The following ITGAM variants were observed in gnomAD, a reference collection of about 807,000 sequenced individuals.
ITGAM encodes integrin alpha-M.
ITGAM carries 79 observed loss-of-function variants against 137.5 expected under a neutral mutation model. The ratio of observed to expected loss-of-function variants is 0.57; its 90% CI spans 0.48 to 0.69. The LOEUF (loss-of-function observed/expected upper bound fraction) is 0.69, where lower values mean the gene tolerates loss of function less well. Among genes scored for constraint, ITGAM ranks in the 30% least tolerant of loss-of-function variants. ITGAM has a pLI of 0.00. For synonymous variants in ITGAM, 583 were observed against 592.3 expected, an observed-to-expected ratio of 0.98 and a Z score of 0.23; for missense variants, 1,343 against 1,483.5, an observed-to-expected ratio of 0.91 and a Z score of 1.56.
intron 1 of ITGAM, among the ~76,000 whole-genome samples, chr16:31,261,026 C>A (rs1596962023): frequency 2.0e-5 from 3 of 152,200 alleles, no homozygotes; most frequent in Admixed American, 2.0e-4. Context: ...TTCTATCAGC[C>A]TCTTGGTCTG....
At chr16:31,281,402 C>T (rs1377027050) in intron 12 of ITGAM, among the ~76,000 whole-genome samples, 3 of 152,172 alleles carry the variant, frequency 2.0e-5, no homozygotes, top group Non-Finnish European at 4.4e-5. Context: ...TCAGAGCCTG[C>T]TATTGGTCTA....
At chr16:31,327,310 G>T (rs1251081974) in intron 22 of ITGAM, among the ~76,000 whole-genome samples, 2 of 152,090 alleles carry the variant, frequency 1.3e-5, no homozygotes, top group Admixed American at 6.6e-5. Flanking sequence ...TTAGGAGCTG[G>T]GCGTGCTGGC....
In ITGAM at chr16:31,326,358, G is replaced by A. The variant is rs374721393; in HGVS notation, c.2629-498G>A. ...TAATATTAAGCAAGGACTTAGCAAG[G>A]ATCATTCATGTCGTAGTATATGTCA... On this transcript the variant is annotated intron_variant, in intron 21 of 29. Coordinates refer to ENST00000544665, the MANE Select transcript of ITGAM (RefSeq NM_000632.4). 2.6e-5 allele frequency among the ~76,000 whole-genome samples: 4 copies of A among 152,152 alleles called. No homozygotes were observed. In the South Asian group the frequency reaches 8.3e-4, roughly 32 times the overall value.
At chr16:31,299,516 C>T (rs1057109293) in intron 14 of ITGAM, among the ~76,000 whole-genome samples, 9 of 151,976 alleles carry the variant, frequency 5.9e-5, no homozygotes, top group African/African-American at 2.2e-4. Context: ...GCCATGTTGT[C>T]CAGGCTGGTC....
intron 12 of ITGAM, among the ~76,000 whole-genome samples, chr16:31,294,291 T>G (rs1043697497): frequency 9.9e-5 from 15 of 152,180 alleles, no homozygotes; most frequent in African/African-American, 2.9e-4. Context: ...ATAGGACTAG[T>G]GAGCAAAGGC....
Position 31,262,565 on chromosome 16 carries a change from G to A in ITGAM, c.134+768G>A, listed in dbSNP as rs2079717535. Among the ~76,000 whole-genome samples, 3 of 143,722 alleles carry A rather than the reference G, an allele frequency of 2.1e-5. No individual in the cohort carries two copies. The South Asian group carries it at 6.3e-4, about 30-fold the overall frequency. The allele number at this position is 143,722 out of a possible 152,430, so 94.3% of individuals were successfully genotyped here. On this transcript the variant is annotated intron_variant, in intron 2 of 29. Coordinates refer to ENST00000544665, the MANE Select transcript of ITGAM (RefSeq NM_000632.4). ...CTACAGGCATGTGCCACCACACCTG[G>A]CTAATTTTTTGATTTTTTTTGTATA...
At chr16:31,310,010 G>T (rs2080308071) in intron 14 of ITGAM, among the ~76,000 whole-genome samples, 1 of 151,654 alleles carries the variant, frequency 6.6e-6, no homozygotes, top group African/African-American at 2.4e-5. Context: ...TAGAGTTTCT[G>T]CTGAGAGAGA....
intron 28 of ITGAM, 84 bp downstream of exon 28, chr16:31,330,689 A>AAG (rs2080569438): frequency 6.3e-6 from 6 of 945,008 alleles, no homozygotes; most frequent in Non-Finnish European, 9.5e-6. Context: ...GAGAGACACA[A>AAG]AGAGAGAGGG....
intron 5 of ITGAM, among the ~76,000 whole-genome samples, chr16:31,269,954 G>A (rs1199827139): frequency 6.6e-6 from 1 of 152,204 alleles, no homozygotes; most frequent in Non-Finnish European, 1.5e-5. Context: ...GGTCCCTGCA[G>A]GTTGACCTCC....
intron 14 of ITGAM, among the ~76,000 whole-genome samples, chr16:31,298,412 T>C (rs887480160): frequency 1.3e-5 from 2 of 151,888 alleles, no homozygotes; most frequent in East Asian, 1.9e-4. Flanking sequence ...CACACACACA[T>C]TCACAGAAAT....
intron 14 of ITGAM, among the ~76,000 whole-genome samples, chr16:31,301,726 T>G (rs186566476): frequency 4.7e-4 from 71 of 152,292 alleles, no homozygotes; most frequent in Admixed American, 1.1e-3. Flanking sequence ...ATTTACCAGT[T>G]CTATATCACT....
At position 31,276,764 on chromosome 16, in the gene ITGAM, A is replaced by G; in HGVS notation, c.1083+20A>G. Reference sequence around the variant, plus strand: ...ACCTCTGTAAGTGGCCCTTCATTAAATTGCGGGGGTGGGGCAGGGGGTAGC... The same window carrying G: ...ACCTCTGTAAGTGGCCCTTCATTAAGTTGCGGGGGTGGGGCAGGGGGTAGC... On this transcript the variant is annotated intron_variant, in intron 10 of 29. Transcript: ENST00000544665. 1 of 1,556,344 alleles carries G rather than the reference A, an allele frequency of 6.4e-7. No individual in the cohort carries two copies. The highest frequency in any genetic ancestry group is 1.1e-5 in the South Asian group (1 of 88,630).
At chr16:31,289,184 G>A (rs2080060603) in intron 12 of ITGAM, among the ~76,000 whole-genome samples, 1 of 152,190 alleles carries the variant, frequency 6.6e-6, no homozygotes, top group African/African-American at 2.4e-5. Flanking sequence ...AACCATTGTG[G>A]AAGACAGTGT....
chr16:31,312,298 G>T (rs1426776409), intron 14 of ITGAM, among the ~76,000 whole-genome samples: 1 of 151,782 alleles, frequency 6.6e-6, no homozygotes, highest in African/African-American at 2.4e-5. Flanking sequence ...TAATAAAAAA[G>T]AAAAAGAAAA....
rs1250824792 is a variant in ITGAM at position 31,261,751 on chromosome 16, A to C, written c.88A>C (p.Asn30His). The C allele has an allele frequency of 6.2e-7, 1 of 1,613,352 alleles. No homozygotes were observed. Among genetic ancestry groups the C allele is most frequent in the Non-Finnish European group, 8.5e-7 (1 of 1,179,740 alleles). Reference sequence around the variant, plus strand: ...TGAAAACGCAATGACCTTCCAAGAGAACGCAAGGGGCTTCGGGCAGAGCGT... The same window carrying C: ...TGAAAACGCAATGACCTTCCAAGAGCACGCAAGGGGCTTCGGGCAGAGCGT... ...DTENAMTFQE[N>H]ARGFGQSVVQ... is the part of the protein sequence containing the mutation. The change falls in exon 2 of 30, where the codon AAC (asparagine) becomes CAC (histidine). Residue 30 changes from asparagine to histidine, a missense_variant. Transcript: ENST00000544665.
Position 31,331,817 on chromosome 16 carries a change from A to G in ITGAM, c.*110A>G. 3 of 831,284 alleles carry G rather than the reference A, an allele frequency of 3.6e-6. No individual in the cohort carries two copies. Among genetic ancestry groups the G allele is most frequent in the South Asian group, 3.5e-5 (2 of 57,590 alleles). The allele number at this position is 831,284 out of a possible 1,614,324, so 51.5% of individuals were successfully genotyped here. ...CGGACAGCGAAGTATCCCCGACAGG[A>G]CGGGCTTGGGCTTCCATTTGTGTGT... On this transcript the variant is annotated 3_prime_UTR_variant, in exon 30 of 30. Coordinates refer to ENST00000544665, the MANE Select transcript of ITGAM (RefSeq NM_000632.4).
chr16:31,320,213 A>C (rs1194123331), intron 14 of ITGAM, among the ~76,000 whole-genome samples: 1 of 152,302 alleles, frequency 6.6e-6, no homozygotes, highest in East Asian at 1.9e-4. Flanking sequence ...GCTGATAACA[A>C]CTGAACTTAA....
At chr16:31,321,430 G>A (rs2080449240) in intron 15 of ITGAM, 34 bp from the exon 16 acceptor site, 2 of 1,613,606 alleles carry the variant, frequency 1.2e-6, no homozygotes, top group African/African-American at 1.3e-5. Flanking sequence ...TTTCCTGTTT[G>A]AAGGTCCCTG....
chr16:31,285,731 C>T (rs1381432383), intron 12 of ITGAM, among the ~76,000 whole-genome samples: 1 of 151,992 alleles, frequency 6.6e-6, no homozygotes, highest in Non-Finnish European at 1.5e-5. Context: ...GGCTGCAGAT[C>T]CCATCACCCA....
Sources: allele counts gnomAD v4.1 joint callset (sites outside exome capture counted in the v4.1 genomes callset), GRCh38; gene constraint gnomAD v4.1.1; transcripts MANE v1.5; gene names NCBI Gene and HGNC (gene_info 2026-07-23, HGNC 2026-07-21).